CNTLN: variants seen among roughly 807,000 people sequenced by gnomAD.
CNTLN encodes the protein centlein, also known as centlein, centrosomal protein.
Under a neutral mutation model 180.0 loss-of-function variants are expected in CNTLN, and 212 were observed. That is an observed-to-expected ratio of 1.18 (90% CI 1.05 to 1.32). The LOEUF is 1.32. Among genes scored for constraint, CNTLN ranks in the 40% most tolerant of loss-of-function variants. CNTLN has a pLI of 0.00. For synonymous variants in CNTLN, 722 were observed against 563.1 expected, an observed-to-expected ratio of 1.28 and a Z score of -3.99; for missense variants, 2,095 against 1,610.9, an observed-to-expected ratio of 1.30 and a Z score of -5.14.
intron 8 of CNTLN, among the ~76,000 whole-genome samples, chr9:17,324,982 A>T (rs1253913955): frequency 1.3e-5 from 2 of 152,068 alleles, no homozygotes; most frequent in Non-Finnish European, 2.9e-5. Flanking sequence ...AAGTGAGTAG[A>T]TGGAAGAAAT....
intron 5 of CNTLN, among the ~76,000 whole-genome samples, chr9:17,264,649 C>T (rs958021919): frequency 6.6e-6 from 1 of 152,108 alleles, no homozygotes; most frequent in African/African-American, 2.4e-5. Context: ...TGGCCATTTT[C>T]ACGATATTGA....
chr9:17,388,286 A>G lies in CNTLN; in HGVS notation c.2079+33A>G, dbSNP rs114422473. On this transcript the variant is annotated intron_variant, in intron 14 of 25. Transcript: ENST00000380647. The stretch of plus-strand genomic sequence containing the variant: ...AATCTTTAAGATATTGAGCTGAGCA[A>G]GTTAAATCTGAATTTTAACATAAAG... The G allele has an allele frequency of 1.4e-3, 1,902 of 1,386,878 alleles. 22 individuals are homozygous for G. In the African/African-American group the frequency reaches 0.024, roughly 17 times the overall value. The allele number at this position is 1,386,878 out of a possible 1,614,324, so 85.9% of individuals were successfully genotyped here. A position where few individuals can be genotyped will look rare whatever the true frequency, so the allele number is the denominator to read the frequency against.
intron 5 of CNTLN, among the ~76,000 whole-genome samples, chr9:17,265,343 T>A (rs1322061660): frequency 6.6e-6 from 1 of 152,242 alleles, no homozygotes; most frequent in Non-Finnish European, 1.5e-5. Context: ...TGGATTACAC[T>A]TATTGATTTG....
At chr9:17,430,922 A>G (rs1263254336) in intron 18 of CNTLN, among the ~76,000 whole-genome samples, 1 of 152,112 alleles carries the variant, frequency 6.6e-6, no homozygotes, top group East Asian at 1.9e-4. Flanking sequence ...TATTGTGTAT[A>G]TATATCACAT....
At chr9:17,403,085 T>C (rs1327569128) in intron 15 of CNTLN, among the ~76,000 whole-genome samples, 3 of 151,646 alleles carry the variant, frequency 2.0e-5, no homozygotes, top group African/African-American at 7.3e-5. Flanking sequence ...GTTGGAAGAT[T>C]GGTGACAGGG....
At chr9:17,286,632 C>T (rs1323268072) in intron 6 of CNTLN, among the ~76,000 whole-genome samples, 2 of 130,406 alleles carry the variant, frequency 1.5e-5, no homozygotes, top group Non-Finnish European at 3.2e-5. Flanking sequence ...TTCTTCCTAC[C>T]CATGAGCATG....
At chr9:17,450,314 G>T (rs1830709035) in intron 18 of CNTLN, among the ~76,000 whole-genome samples, 1 of 151,452 alleles carries the variant, frequency 6.6e-6, no homozygotes, top group African/African-American at 2.4e-5. Flanking sequence ...CATGAAAAGA[G>T]TTTTTTTTTC....
chr9:17,180,706 T>C (rs931555285), intron 2 of CNTLN, among the ~76,000 whole-genome samples: 2 of 152,162 alleles, frequency 1.3e-5, no homozygotes, highest in Admixed American at 6.5e-5. Context: ...TTACTTTAGC[T>C]ATACTTTTTT....
intron 7 of CNTLN, among the ~76,000 whole-genome samples, chr9:17,303,549 C>T (rs893726698): frequency 7.0e-5 from 10 of 143,260 alleles, no homozygotes; most frequent in East Asian, 2.0e-4. Context: ...TTTTTACTAA[C>T]GCTTTTTTTT....
intron 5 of CNTLN, among the ~76,000 whole-genome samples, chr9:17,265,744 A>C (rs1029867454): frequency 6.6e-6 from 1 of 151,970 alleles, no homozygotes; most frequent in Admixed American, 6.6e-5. Flanking sequence ...CAGAGACTCA[A>C]CTTCTTCCTG....
chr9:17,507,868 A>T (rs72711560), downstream of CNTLN, among the ~76,000 whole-genome samples: 1,078 of 152,298 alleles, frequency 7.1e-3, 6 homozygotes, highest in East Asian at 0.01. Context: ...GAGTTTTGAC[A>T]TCAGCTCCTT....
At chr9:17,460,504 A>G (rs1831388316) in intron 19 of CNTLN, among the ~76,000 whole-genome samples, 1 of 151,700 alleles carries the variant, frequency 6.6e-6, no homozygotes, top group Non-Finnish European at 1.5e-5. Context: ...TTTGGCCATT[A>G]ACTTCTCGTC....
At chr9:17,371,118 C>G (rs1251081373) in intron 13 of CNTLN, among the ~76,000 whole-genome samples, 1 of 152,072 alleles carries the variant, frequency 6.6e-6, no homozygotes, top group African/African-American at 2.4e-5. Flanking sequence ...GGAGTAAGTT[C>G]TTACTTATTG....
intron 8 of CNTLN, among the ~76,000 whole-genome samples, chr9:17,309,864 AATTT>A (rs981445612): frequency 4.6e-5 from 7 of 152,174 alleles, no homozygotes; most frequent in South Asian, 2.1e-4. Flanking sequence ...AATCTCTGTG[AATTT>A]ATTTAAGTGT....
intron 2 of CNTLN, among the ~76,000 whole-genome samples, chr9:17,146,087 T>C (rs1818440362): frequency 1.3e-5 from 2 of 152,216 alleles, no homozygotes; most frequent in Non-Finnish European, 2.9e-5. Context: ...AGGTGCACTA[T>C]TGTAAAATCT....
chr9:17,302,811 A>C (rs890043458), intron 7 of CNTLN, among the ~76,000 whole-genome samples: 4 of 152,242 alleles, frequency 2.6e-5, no homozygotes, highest in Non-Finnish European at 5.9e-5. Context: ...AACAAAATAC[A>C]AGTGAGAAGT....
chr9:17,500,636 T>A (rs1490931245), intron 25 of CNTLN, among the ~76,000 whole-genome samples: 3 of 152,204 alleles, frequency 2.0e-5, no homozygotes, highest in Non-Finnish European at 4.4e-5. Flanking sequence ...TTTTAAAGAC[T>A]CTTAAGAGGT....
At chr9:17,429,201 G>T (rs1378984841) in intron 18 of CNTLN, among the ~76,000 whole-genome samples, 1 of 152,002 alleles carries the variant, frequency 6.6e-6, no homozygotes, top group Non-Finnish European at 1.5e-5. Flanking sequence ...ATTCATAGTA[G>T]CAACACCCTA....
intron 23 of CNTLN, among the ~76,000 whole-genome samples, chr9:17,474,537 A>C (rs1032438930): frequency 1.3e-5 from 2 of 152,126 alleles, no homozygotes; most frequent in Non-Finnish European, 2.9e-5. Flanking sequence ...GATCCAGAAC[A>C]GTCTTTTCTC....
Sources: allele counts gnomAD v4.1 joint callset (sites outside exome capture counted in the v4.1 genomes callset), GRCh38; gene constraint gnomAD v4.1.1; transcripts MANE v1.5; gene names NCBI Gene and HGNC (gene_info 2026-07-23, HGNC 2026-07-21).